RHOQ: variants seen among roughly 807,000 people sequenced by gnomAD.
RHOQ encodes rho-related GTP-binding protein RhoQ.
Under a neutral mutation model 25.8 loss-of-function variants are expected in RHOQ, and 7 were observed. That is an observed-to-expected ratio of 0.27 (90% confidence interval 0.15 to 0.51). RHOQ has a LOEUF of 0.51. RHOQ is among the 20% of genes least tolerant of loss of function. RHOQ has a pLI of 0.97. For synonymous variants in RHOQ, 97 were observed against 98.6 expected (o/e 0.98, Z 0.10); for missense variants, 165 against 260.6 (o/e 0.63, Z 2.53).
chr2:46,562,885 C>T (rs1668617991), intron 2 of RHOQ, among the ~76,000 whole-genome samples: 1 of 152,158 alleles, frequency 6.6e-6, no homozygotes, highest in Admixed American at 6.5e-5. Context: ...ACATTCAGTT[C>T]TCATTTTCTG....
intron 2 of RHOQ, among the ~76,000 whole-genome samples, chr2:46,558,474 A>G (rs1170265935): frequency 6.6e-6 from 1 of 152,132 alleles, no homozygotes; most frequent in East Asian, 1.9e-4. Context: ...GCATTGTCCC[A>G]TTGTCTTTCA....
Position 46,576,310 on chromosome 2 carries a change from T to C in RHOQ, c.366+59T>C. 4 of 1,404,056 alleles carry C rather than the reference T, an allele frequency of 2.8e-6. No individual in the cohort carries two copies. The highest frequency in any genetic ancestry group is 3.0e-6 in the Non-Finnish European group (3 of 1,015,162). The allele number at this position is 1,404,056 out of a possible 1,614,324, so 87.0% of individuals were successfully genotyped here. On this transcript the variant is annotated intron_variant, in intron 3 of 4. Transcript: ENST00000238738. This position sits in a 1 kb window ranked among gnomAD's most constrained non-coding sequence, Gnocchi z 5.1. Reference sequence around the variant, plus strand: ...AAGCTCTTTGGTCTGTCGTAGAGGCTGCTCTCAGACAAACAGTCCCAAAGC... The same window carrying C: ...AAGCTCTTTGGTCTGTCGTAGAGGCCGCTCTCAGACAAACAGTCCCAAAGC...
At chr2:46,577,077 T>G (rs1342925960) in intron 4 of RHOQ, 1 of 153,608 alleles carries the variant, frequency 6.5e-6, no homozygotes, top group African/African-American at 2.4e-5. Flanking sequence ...GTCTTAAGAC[T>G]CATTGAGTTA....
chr2:46,566,940 A>T lies in RHOQ; in HGVS notation c.202-9147A>T, dbSNP rs1369326195. Among the ~76,000 whole-genome samples the T allele has an allele frequency of 1.3e-5, 2 of 152,122 alleles. No homozygotes were observed. Among genetic ancestry groups the T allele is most frequent in the Admixed American group, 1.3e-4 (2 of 15,272 alleles). On this transcript the variant is annotated intron_variant, in intron 2 of 4. Coordinates refer to ENST00000238738, the MANE Select transcript of RHOQ (RefSeq NM_012249.4). This position sits in a 1 kb window ranked among gnomAD's most constrained non-coding sequence, Gnocchi z 4.2. The stretch of plus-strand genomic sequence containing the variant: ...CTTCATAGCACCTGTCCCAATTTGC[A>T]TTTATAGTCATTTTTGTCCCAATTT...
At chr2:46,575,399 T>TACACACA (rs1669079637) in intron 2 of RHOQ, among the ~76,000 whole-genome samples, 1 of 138,228 alleles carries the variant, frequency 7.2e-6, no homozygotes, top group Non-Finnish European at 1.6e-5. Flanking sequence ...CTTTAAATCT[T>TACACACA]CACACACACA....
intron 2 of RHOQ, among the ~76,000 whole-genome samples, chr2:46,549,812 C>A (rs548894050): frequency 2.2e-4 from 34 of 152,308 alleles, no homozygotes; most frequent in African/African-American, 7.0e-4. Context: ...CTGCCCAGTG[C>A]CGGCCAGGAC....
chr2:46,565,360 C>T (rs1668699636), intron 2 of RHOQ, among the ~76,000 whole-genome samples: 1 of 152,186 alleles, frequency 6.6e-6, no homozygotes, highest in South Asian at 2.1e-4. Flanking sequence ...GCTGGATAGA[C>T]AGTCAACTGT....
At chr2:46,575,693 C>T (rs1377023630) in intron 2 of RHOQ, among the ~76,000 whole-genome samples, 1 of 152,114 alleles carries the variant, frequency 6.6e-6, no homozygotes, top group Non-Finnish European at 1.5e-5. Flanking sequence ...CATGAGAGAG[C>T]ATATAGACTA....
intron 2 of RHOQ, among the ~76,000 whole-genome samples, chr2:46,572,329 CTGGACTCA>C (rs1245698149): frequency 1.3e-5 from 2 of 151,894 alleles, no homozygotes; most frequent in Admixed American, 6.6e-5. Flanking sequence ...TCTTGAACTC[CTGGACTCA>C]AGCAATCTCC....
At chr2:46,562,469 C>T (rs1487108357) in intron 2 of RHOQ, among the ~76,000 whole-genome samples, 1 of 152,216 alleles carries the variant, frequency 6.6e-6, no homozygotes, top group Non-Finnish European at 1.5e-5. Flanking sequence ...TTGATTTTGT[C>T]TCACTGGCTC....
intron 4 of RHOQ, among the ~76,000 whole-genome samples, chr2:46,578,309 C>T (rs1250740335): frequency 6.6e-6 from 1 of 152,010 alleles, no homozygotes; most frequent in Non-Finnish European, 1.5e-5. Context: ...AAATCATGGA[C>T]ACTTTTGATC....
chr2:46,544,693 A>C (rs991490249), intron 2 of RHOQ, among the ~76,000 whole-genome samples: 1 of 152,238 alleles, frequency 6.6e-6, no homozygotes, highest in Admixed American at 6.5e-5. Flanking sequence ...AGAATCCAGC[A>C]CTATGATTAG....
intron 2 of RHOQ, 132 bp downstream of exon 2, chr2:46,543,944 T>TG: frequency 1.5e-6 from 1 of 686,492 alleles, no homozygotes; most frequent in Non-Finnish European, 2.5e-6. Flanking sequence ...GATTAGGTCT[T>TG]TATTTCTTGT....
At chr2:46,549,543 C>T (rs868475421) in intron 2 of RHOQ, among the ~76,000 whole-genome samples, 4 of 152,152 alleles carry the variant, frequency 2.6e-5, no homozygotes, top group East Asian at 1.9e-4. Flanking sequence ...AGGAGAGGGA[C>T]GCAGTTACAA....
chr2:46,576,504 T>G lies in RHOQ; in HGVS notation c.367-57T>G. The G allele has an allele frequency of 8.7e-7, 1 of 1,143,072 alleles. No homozygotes were observed. Among genetic ancestry groups the G allele is most frequent in the Non-Finnish European group, 1.3e-6 (1 of 786,886 alleles). The allele number at this position is 1,143,072 out of a possible 1,614,324, so 70.8% of individuals were successfully genotyped here. A position where few individuals can be genotyped will look rare whatever the true frequency, so the allele number is the denominator to read the frequency against. On this transcript the variant is annotated intron_variant, in intron 3 of 4. Transcript: ENST00000238738. This position sits in a 1 kb window ranked among gnomAD's most constrained non-coding sequence, Gnocchi z 5.1. ...GGGAATTAAGTGGGATTACATGCTTTGATTTTTCTTTAAAGATTTGTAATA... is the reference window on the plus strand; with the variant it reads ...GGGAATTAAGTGGGATTACATGCTTGGATTTTTCTTTAAAGATTTGTAATA...
At chr2:46,563,888 G>A (rs542406211) in intron 2 of RHOQ, among the ~76,000 whole-genome samples, 1 of 152,088 alleles carries the variant, frequency 6.6e-6, no homozygotes, top group South Asian at 2.1e-4. Context: ...GGGCTCAAGG[G>A]ATCCTCCTGC....
chr2:46,577,236 AG>A (rs1384118423), intron 4 of RHOQ: 2 of 152,202 alleles, frequency 1.3e-5, no homozygotes, highest in African/African-American at 4.8e-5. Flanking sequence ...TATATGTAAC[AG>A]TGATGCATGC....
At chr2:46,578,622 G>A (rs1345946139) in intron 4 of RHOQ, among the ~76,000 whole-genome samples, 2 of 139,998 alleles carry the variant, frequency 1.4e-5, no homozygotes, top group East Asian at 4.2e-4. Flanking sequence ...TGAGCATGAT[G>A]GTGCATACCT....
chr2:46,582,566 AATCTC>A lies in RHOQ; in HGVS notation c.*1487_*1491del, dbSNP rs1006602833. 6.6e-5 allele frequency: 10 copies of A among 152,404 alleles called. No homozygotes were observed. The highest frequency in any genetic ancestry group is 2.2e-4 in the African/African-American group (9 of 41,468). 9.4% of individuals were successfully genotyped at this position (152,404 alleles called of 1,614,324 possible). A position where few individuals can be genotyped will look rare whatever the true frequency, so the allele number is the denominator to read the frequency against. On this transcript the variant is annotated 3_prime_UTR_variant, in exon 5 of 5. Coordinates refer to ENST00000238738, the MANE Select transcript of RHOQ (RefSeq NM_012249.4). The stretch of plus-strand genomic sequence containing the variant: ...ACAACCTAATGCATTTTAGAGAAAC[AATCTC>A]ATCACATTTTTTCTAGCCTTTCCTA...
Sources: gnomAD v4.1 joint callset for allele counts (sites outside exome capture counted in the v4.1 genomes callset) on GRCh38, gnomAD v4.1.1 for gene constraint, Gnocchi (gnomAD v3.1) non-coding constraint, MANE v1.5 for transcripts, NCBI Gene and HGNC (gene_info 2026-07-23, HGNC 2026-07-21) for gene names.